The following BCAS3 variants were observed in gnomAD, a reference collection of about 807,000 sequenced individuals.
BCAS3 encodes BCAS4/BCAS3 fusion.
Under a neutral mutation model 116.1 loss-of-function variants are expected in BCAS3, and 53 were observed. That is an observed-to-expected ratio of 0.46 (90% CI 0.37 to 0.57). BCAS3 has a LOEUF of 0.57. Among genes scored for constraint, BCAS3 ranks in the 20% least tolerant of loss-of-function variants. BCAS3 has a pLI of 0.00. For synonymous variants in BCAS3, 391 were observed against 408.2 expected (o/e 0.96, Z 0.51); for missense variants, 917 against 1,165.4 (o/e 0.79, Z 3.10).
chr17:61,301,471 G>GA (rs1439137936), intron 22 of BCAS3, among the ~76,000 whole-genome samples: 9 of 151,902 alleles, frequency 5.9e-5, no homozygotes, highest in East Asian at 5.8e-4. Context: ...ATCTCTGCTG[G>GA]AAAAAAATAC....
intron 22 of BCAS3, among the ~76,000 whole-genome samples, chr17:61,322,848 G>GAC (rs2055400369): frequency 6.8e-6 from 1 of 146,408 alleles, no homozygotes; most frequent in Non-Finnish European, 1.5e-5. Flanking sequence ...GAGAGAGAGA[G>GAC]AGAGAGACAG....
chr17:61,153,349 A>C (rs2077647289), intron 22 of BCAS3, among the ~76,000 whole-genome samples: 1 of 152,180 alleles, frequency 6.6e-6, no homozygotes, highest in African/African-American at 2.4e-5. Flanking sequence ...GTTCTACTGG[A>C]CTTTGAGAAT....
At chr17:60,786,567 AT>A (rs2144517493) in intron 6 of BCAS3, among the ~76,000 whole-genome samples, 1 of 151,100 alleles carries the variant, frequency 6.6e-6, no homozygotes, top group African/African-American at 2.4e-5. Context: ...ATATATATAT[AT>A]ATAAAATGTG....
chr17:61,364,051 G>A lies in BCAS3; in HGVS notation c.2426-4276G>A, dbSNP rs2058600391. Among the ~76,000 whole-genome samples, 1 of 152,228 alleles carries A rather than the reference G, an allele frequency of 6.6e-6. No homozygotes were observed. The highest frequency in any genetic ancestry group is 2.1e-4 in the South Asian group (1 of 4,832). The stretch of plus-strand genomic sequence containing the variant: ...AGCAAAGAGGCTACGAGGTGTGGAA[G>A]GGAAAGAGACAGCGGGTATGGCAGA... On this transcript the variant is annotated intron_variant, in intron 22 of 23. Coordinates refer to ENST00000407086, the MANE Select transcript of BCAS3 (RefSeq NM_017679.5). The surrounding 1 kb of genome is among the most constrained non-coding windows in gnomAD (Gnocchi z 5.4).
intron 22 of BCAS3, among the ~76,000 whole-genome samples, chr17:61,321,269 C>A (rs1298234336): frequency 6.6e-6 from 1 of 152,166 alleles, no homozygotes; most frequent in African/African-American, 2.4e-5. Context: ...AGTGGTAGCA[C>A]CTTTTTAACC....
rs1467956264 is a variant in BCAS3 at position 61,013,535 on chromosome 17, G to T, written c.1487-2216G>T. Among the ~76,000 whole-genome samples, 1 of 152,020 alleles carries T rather than the reference G, an allele frequency of 6.6e-6. No homozygotes were observed. The highest frequency in any genetic ancestry group is 1.5e-5 in the Non-Finnish European group (1 of 67,936). On this transcript the variant is annotated intron_variant, in intron 15 of 23. Coordinates refer to ENST00000407086, the MANE Select transcript of BCAS3 (RefSeq NM_017679.5). The surrounding 1 kb of genome is among the most constrained non-coding windows in gnomAD (Gnocchi z 4.4). ...TCTTCCACAAATATAATATTTTAAT[G>T]TGATTTCCCTCTTCATATTTTCTAC...
intron 14 of BCAS3, among the ~76,000 whole-genome samples, chr17:60,963,035 C>T (rs558154129): frequency 5.9e-5 from 9 of 152,226 alleles, no homozygotes; most frequent in Non-Finnish European, 7.4e-5. Flanking sequence ...TTGTCAAAGA[C>T]GAATTGACTG....
chr17:60,747,058 C>G, intron 5 of BCAS3, 140 bp from the exon 6 acceptor site: 1 of 527,368 alleles, frequency 1.9e-6, no homozygotes, highest in Non-Finnish European at 3.4e-6. Context: ...ACATGTATGA[C>G]CAATGATAAA....
At chr17:60,733,407 C>T (rs964604390) in intron 5 of BCAS3, among the ~76,000 whole-genome samples, 1 of 152,158 alleles carries the variant, frequency 6.6e-6, no homozygotes, top group Admixed American at 6.5e-5. Context: ...TCCCTCTCTT[C>T]CCAGGTGAAA....
intron 4 of BCAS3, among the ~76,000 whole-genome samples, chr17:60,692,652 T>G (rs2035002735): frequency 6.7e-6 from 1 of 149,326 alleles, no homozygotes; most frequent in Non-Finnish European, 1.5e-5. Context: ...GAGAATCACT[T>G]GAACCCAGGA....
chr17:60,758,510 A>G (rs2043206828), intron 6 of BCAS3, among the ~76,000 whole-genome samples: 1 of 152,090 alleles, frequency 6.6e-6, no homozygotes, highest in Non-Finnish European at 1.5e-5. Flanking sequence ...CCTCCCGAGT[A>G]GCTGGGATTA....
chr17:60,893,598 A>ATTT (rs1387814028), intron 10 of BCAS3, among the ~76,000 whole-genome samples: 1 of 112,820 alleles, frequency 8.9e-6, no homozygotes, highest in Admixed American at 9.0e-5. Context: ...TTGACCTATG[A>ATTT]TCTTTTTTTT....
chr17:60,717,370 C>T (rs564483242), intron 5 of BCAS3, among the ~76,000 whole-genome samples: 1 of 152,104 alleles, frequency 6.6e-6, no homozygotes, highest in Admixed American at 6.6e-5. Context: ...GATGCGCCAC[C>T]ACGCCTGGGT....
chr17:60,989,959 T>C lies in BCAS3; in HGVS notation c.1222-12T>C. ...TGAGACATTTTTGTATCTTTTCTTA[T>C]CTCATTTCTAGGTACAGGACATCTG... is the stretch of plus-strand genomic sequence containing the variant. On this transcript the variant is annotated splice_polypyrimidine_tract_variant and intron_variant, in intron 14 of 23. Coordinates refer to ENST00000407086, the MANE Select transcript of BCAS3 (RefSeq NM_017679.5). 1 of 1,606,954 alleles carries C rather than the reference T, an allele frequency of 6.2e-7. No homozygotes were observed. Among genetic ancestry groups the C allele is most frequent in the Non-Finnish European group, 8.5e-7 (1 of 1,174,558 alleles).
chr17:61,375,669 T>A (rs1232489096), intron 23 of BCAS3, among the ~76,000 whole-genome samples: 1 of 151,796 alleles, frequency 6.6e-6, no homozygotes, highest in Non-Finnish European at 1.5e-5. Context: ...TCCCATCATG[T>A]TCCAGCGATT....
intron 22 of BCAS3, among the ~76,000 whole-genome samples, chr17:61,096,305 C>T (rs1490825961): frequency 6.6e-6 from 1 of 151,966 alleles, no homozygotes; most frequent in Non-Finnish European, 1.5e-5. Flanking sequence ...TGTCAGTTTT[C>T]TTTACAGCAT....
intron 22 of BCAS3, among the ~76,000 whole-genome samples, chr17:61,317,404 C>G (rs948375847): frequency 2.6e-5 from 4 of 152,188 alleles, no homozygotes; most frequent in Admixed American, 1.3e-4. Flanking sequence ...CAGTGTATTG[C>G]CTTTACTGGG....
chr17:61,061,226 T>C (rs2069995256), intron 19 of BCAS3, among the ~76,000 whole-genome samples: 1 of 152,222 alleles, frequency 6.6e-6, no homozygotes, highest in Non-Finnish European at 1.5e-5. Flanking sequence ...CTCTTTTGCT[T>C]AGGCAAGAGA....
intron 2 of BCAS3, among the ~76,000 whole-genome samples, chr17:60,683,095 T>C (rs181230122): frequency 2.4e-4 from 36 of 152,272 alleles, no homozygotes; most frequent in Non-Finnish European, 5.0e-4. Context: ...GCATTTTAAT[T>C]TTTTTCCATG....
Sources: gnomAD v4.1 joint callset for allele counts (sites outside exome capture counted in the v4.1 genomes callset) on GRCh38, gnomAD v4.1.1 for gene constraint, Gnocchi (gnomAD v3.1) non-coding constraint, MANE v1.5 for transcripts, NCBI Gene and HGNC (gene_info 2026-07-23, HGNC 2026-07-21) for gene names.